SYNDIG1: variants seen among roughly 807,000 people sequenced by gnomAD.
SYNDIG1 encodes the protein synapse differentiation inducing 1.
SYNDIG1 carries 9 observed loss-of-function variants against 19.4 expected under a neutral mutation model. The ratio of observed to expected loss-of-function variants is 0.46; its 90% CI spans 0.28 to 0.81. The LOEUF (loss-of-function observed/expected upper bound fraction) is 0.81. Among genes scored for constraint, SYNDIG1 ranks in the 30% least tolerant of loss-of-function variants. The probability of loss-of-function intolerance (pLI) is 0.12; values close to 1 mark genes in which losing one functional copy is unlikely to be tolerated. For synonymous variants in SYNDIG1, 141 were observed against 145.9 expected (o/e 0.97, Z 0.24); for missense variants, 311 against 343.3 (o/e 0.91, Z 0.74).
chr20:24,563,290 C>T (rs1356111715), intron 2 of SYNDIG1, among the ~76,000 whole-genome samples: 1 of 152,148 alleles, frequency 6.6e-6, no homozygotes, highest in African/African-American at 2.4e-5. Flanking sequence ...CCCAATTATC[C>T]CATAGAACTG....
intron 3 of SYNDIG1, among the ~76,000 whole-genome samples, chr20:24,638,173 C>A (rs1038202725): frequency 6.6e-6 from 1 of 152,206 alleles, no homozygotes; most frequent in African/African-American, 2.4e-5. Context: ...GCACTGTCAA[C>A]TCATACCAAA....
At chr20:24,640,276 G>T (rs1472046773) in intron 3 of SYNDIG1, among the ~76,000 whole-genome samples, 1 of 151,452 alleles carries the variant, frequency 6.6e-6, no homozygotes, top group Non-Finnish European at 1.5e-5. Context: ...AGAGAGCCAA[G>T]ATCATGCCAC....
chr20:24,507,738 T>G (rs1207505465), intron 1 of SYNDIG1, among the ~76,000 whole-genome samples: 2 of 152,116 alleles, frequency 1.3e-5, no homozygotes, highest in Non-Finnish European at 1.5e-5. Context: ...AGGCCGAGGC[T>G]CCTCCTCCAT....
At chr20:24,556,075 CTT>C (rs1307934658) in intron 2 of SYNDIG1, among the ~76,000 whole-genome samples, 1 of 152,092 alleles carries the variant, frequency 6.6e-6, no homozygotes, top group Non-Finnish European at 1.5e-5. Flanking sequence ...TTCTTTGTCT[CTT>C]TTGATCTTTG....
chr20:24,555,679 A>G (rs1274530572), intron 2 of SYNDIG1, among the ~76,000 whole-genome samples: 3 of 152,172 alleles, frequency 2.0e-5, no homozygotes, highest in Non-Finnish European at 2.9e-5. Flanking sequence ...ATAGTTTATT[A>G]TAATTTCTGT....
intron 2 of SYNDIG1, among the ~76,000 whole-genome samples, chr20:24,554,935 G>A (rs2146825677): frequency 6.6e-6 from 1 of 151,834 alleles, no homozygotes; most frequent in Admixed American, 6.6e-5. Context: ...ATCTGGTCCT[G>A]GACTCTTTTT....
chr20:24,582,752 A>G (rs1232171444), intron 2 of SYNDIG1, among the ~76,000 whole-genome samples: 2 of 152,182 alleles, frequency 1.3e-5, no homozygotes, highest in African/African-American at 2.4e-5. Flanking sequence ...ATGGGGGCCA[A>G]TGTGCAGAAT....
intron 3 of SYNDIG1, 101 bp from the exon 4 acceptor site, chr20:24,665,245 A>G (rs1453408297): frequency 7.7e-6 from 11 of 1,422,268 alleles, no homozygotes; most frequent in African/African-American, 5.7e-5. Context: ...CTCTGCATCA[A>G]CAATGCCTTT....
chr20:24,572,464 C>G (rs955754577), intron 2 of SYNDIG1, among the ~76,000 whole-genome samples: 19 of 152,218 alleles, frequency 1.2e-4, no homozygotes, highest in Non-Finnish European at 2.1e-4. Flanking sequence ...ATTTAAGGCT[C>G]TCAAACTGCA....
At chr20:24,620,623 T>C (rs2059023499) in intron 3 of SYNDIG1, among the ~76,000 whole-genome samples, 1 of 152,226 alleles carries the variant, frequency 6.6e-6, no homozygotes, top group African/African-American at 2.4e-5. Context: ...TGGACTGTAC[T>C]GGTCAAGGCA....
intron 1 of SYNDIG1, among the ~76,000 whole-genome samples, chr20:24,506,584 A>G (rs1454252679): frequency 6.6e-6 from 1 of 152,220 alleles, no homozygotes; most frequent in East Asian, 1.9e-4. Flanking sequence ...TCCACCAGAA[A>G]AGGTCCTTCT....
rs140460825 is a variant in SYNDIG1, at chr20:24,488,618, C to G, written c.-79+18865C>G. On this transcript the variant is annotated intron_variant, in intron 1 of 3. Coordinates refer to ENST00000376862, the MANE Select transcript of SYNDIG1 (RefSeq NM_024893.3). ...AGGGTGTGGACACCAGAGGAGCCGTCCCTGGGCATCACATTGGCTCTTGCC... is the reference window on the plus strand; with the variant it reads ...AGGGTGTGGACACCAGAGGAGCCGTGCCTGGGCATCACATTGGCTCTTGCC... Among the ~76,000 whole-genome samples the G allele has an allele frequency of 2.8e-3, 425 of 152,332 alleles. 1 individual carries two copies. The highest frequency in any genetic ancestry group is 1.0e-2 in the African/African-American group (414 of 41,568).
At chr20:24,470,823 TC>T (rs2055415308) in intron 1 of SYNDIG1, among the ~76,000 whole-genome samples, 1 of 152,074 alleles carries the variant, frequency 6.6e-6, no homozygotes, top group African/African-American at 2.4e-5. Context: ...CACCCAGACT[TC>T]AGGTGCGCAC....
intron 2 of SYNDIG1, among the ~76,000 whole-genome samples, chr20:24,573,217 T>C (rs1941740459): frequency 6.6e-6 from 1 of 152,228 alleles, no homozygotes; most frequent in African/African-American, 2.4e-5. Flanking sequence ...CAGGCAATGA[T>C]AACTTGACAT....
intron 1 of SYNDIG1, among the ~76,000 whole-genome samples, chr20:24,528,265 G>A (rs947523522): frequency 2.6e-5 from 4 of 152,142 alleles, no homozygotes; most frequent in African/African-American, 7.2e-5. Flanking sequence ...AGTATCCTAA[G>A]TATGGTTGTT....
chr20:24,661,074 G>T (rs148627105), intron 3 of SYNDIG1, among the ~76,000 whole-genome samples: 2 of 152,344 alleles, frequency 1.3e-5, no homozygotes, highest in East Asian at 3.9e-4. Context: ...CACACCGTCA[G>T]TCCTTCAAAA....
chr20:24,654,415 A>C (rs1293803633), intron 3 of SYNDIG1, among the ~76,000 whole-genome samples: 2 of 152,176 alleles, frequency 1.3e-5, no homozygotes, highest in African/African-American at 4.8e-5. Context: ...TCAAAAAGGA[A>C]AGTTGTGTAA....
At chr20:24,535,710 A>G (rs1232118103) in intron 1 of SYNDIG1, among the ~76,000 whole-genome samples, 1 of 152,194 alleles carries the variant, frequency 6.6e-6, no homozygotes, top group Non-Finnish European at 1.5e-5. Flanking sequence ...CACCACTCTG[A>G]GTCTGGACGG....
At chr20:24,525,675 A>AAG (rs1349045523) in intron 1 of SYNDIG1, among the ~76,000 whole-genome samples, 3 of 152,168 alleles carry the variant, frequency 2.0e-5, no homozygotes, top group African/African-American at 7.2e-5. Context: ...ATGAGAGAGA[A>AAG]AGAGAACACG....
Sources: allele counts gnomAD v4.1 joint callset (sites outside exome capture counted in the v4.1 genomes callset), GRCh38; gene constraint gnomAD v4.1.1; transcripts MANE v1.5; gene names NCBI Gene and HGNC (gene_info 2026-07-23, HGNC 2026-07-21).